Variants in ACER3 observed in about 807,000 individuals in gnomAD.
ACER3 encodes the protein alkaline ceramidase 3, also known as alkCDase 3.
Under a neutral mutation model 48.9 loss-of-function variants are expected in ACER3, and 16 were observed. The ratio of observed to expected loss-of-function variants is 0.33; its 90% confidence interval spans 0.22 to 0.50. ACER3 has a LOEUF of 0.50. Among genes scored for constraint, ACER3 ranks in the 20% least tolerant of loss-of-function variants. The pLI is 0.98. For synonymous variants in ACER3, 109 were observed against 107.8 expected, an observed-to-expected ratio of 1.01 and a Z score of -0.07; for missense variants, 227 against 326.0, an observed-to-expected ratio of 0.70 and a Z score of 2.34.
chr11:76,929,756 T>C, intron 2 of ACER3, among the ~76,000 whole-genome samples: 1 of 152,266 alleles, frequency 6.6e-6, no homozygotes, highest in Non-Finnish European at 1.5e-5. Flanking sequence ...CTTCTGTTTA[T>C]ATGCTGGATT....
chr11:76,953,860 T>C (rs1160113109), intron 2 of ACER3, among the ~76,000 whole-genome samples: 1 of 152,234 alleles, frequency 6.6e-6, no homozygotes, highest in East Asian at 1.9e-4. Context: ...TCAATTCCTA[T>C]GTGTATGTGT....
Position 76,954,349 on chromosome 11 carries a change from C to T in ACER3, c.215-4630C>T, listed in dbSNP as rs544248597. On this transcript the variant is annotated intron_variant, in intron 2 of 10. Transcript: ENST00000532485. ...TGGCTTAAGCCAAACTCTTTTAGTTCTTCAAATGCACAAACTCTGTCTTTA... is the reference window on the plus strand; with the variant it reads ...TGGCTTAAGCCAAACTCTTTTAGTTTTTCAAATGCACAAACTCTGTCTTTA... Among the ~76,000 whole-genome samples, 17 of 152,282 alleles carry T rather than the reference C, an allele frequency of 1.1e-4. 1 individual carries two copies. The highest frequency in any genetic ancestry group is 1.1e-3 in the Admixed American group (17 of 15,302).
In ACER3 at chr11:76,869,923, G is replaced by A. The variant is rs997242413; in HGVS notation, c.103+8844G>A. 7.9e-5 allele frequency among the ~76,000 whole-genome samples: 12 copies of A among 152,150 alleles called. No homozygotes were observed. The East Asian group carries it at 1.2e-3, about 15-fold the overall frequency. On this transcript the variant is annotated intron_variant, in intron 1 of 10. Coordinates refer to ENST00000532485, the MANE Select transcript of ACER3 (RefSeq NM_018367.7). ...GTTGCTTAGGCTGGAGTGCAGTGGCGTGATCGTGGCTGACTGTAGCCTTGA... is the reference window on the plus strand; with the variant it reads ...GTTGCTTAGGCTGGAGTGCAGTGGCATGATCGTGGCTGACTGTAGCCTTGA...
At chr11:76,863,804 A>G (rs76430962) in intron 1 of ACER3, among the ~76,000 whole-genome samples, 2 of 152,216 alleles carry the variant, frequency 1.3e-5, no homozygotes, top group East Asian at 1.9e-4. Context: ...CATTTCAAAG[A>G]TAAGGAGATT....
chr11:77,004,889 T>C (rs564461876), intron 7 of ACER3, among the ~76,000 whole-genome samples: 4 of 152,164 alleles, frequency 2.6e-5, no homozygotes, highest in Non-Finnish European at 5.9e-5. Context: ...CCAATTTCTT[T>C]TAATTGGTGT....
chr11:76,997,110 A>G (rs1414392396), intron 6 of ACER3, among the ~76,000 whole-genome samples: 2 of 152,166 alleles, frequency 1.3e-5, no homozygotes, highest in African/African-American at 4.8e-5. Context: ...CATTTTTCCT[A>G]TTCTATATTC....
At chr11:76,875,107 C>CTTTTTT (rs10676364) in intron 1 of ACER3, among the ~76,000 whole-genome samples, 3,933 of 78,022 alleles carry the variant, frequency 0.05, 1,135 homozygotes, top group Non-Finnish European at 0.069. Flanking sequence ...AAAAGCACTT[C>CTTTTTT]TTTTTTTTTT....
intron 2 of ACER3, among the ~76,000 whole-genome samples, chr11:76,945,490 A>G (rs1237432036): frequency 6.6e-6 from 1 of 152,114 alleles, no homozygotes; most frequent in Non-Finnish European, 1.5e-5. Flanking sequence ...GTTCAGTGGT[A>G]TCTGTTATTT....
rs148210639 is a variant in ACER3 at position 76,940,847 on chromosome 11, G to A, written c.214+14180G>A. 2.8e-4 allele frequency among the ~76,000 whole-genome samples: 42 copies of A among 152,176 alleles called. No homozygotes were observed. The East Asian group carries it at 5.6e-3, about 20-fold the overall frequency. On this transcript the variant is annotated intron_variant, in intron 2 of 10. Coordinates refer to ENST00000532485, the MANE Select transcript of ACER3 (RefSeq NM_018367.7). The stretch of plus-strand genomic sequence containing the variant: ...GATTTTCTGCATTCAGCAATACCTG[G>A]TACAAACTAAACACATGGGAATGTT...
chr11:76,940,743 T>C (rs541217841), intron 2 of ACER3, among the ~76,000 whole-genome samples: 1 of 152,316 alleles, frequency 6.6e-6, no homozygotes, highest in South Asian at 2.1e-4. Context: ...TATGTGGTAC[T>C]GTCATAATCT....
At chr11:76,994,331 T>C (rs1181227467) in intron 6 of ACER3, 3 of 366,012 alleles carry the variant, frequency 8.2e-6, no homozygotes, top group South Asian at 2.1e-5. Context: ...GGTATCGCCA[T>C]GTTGGCCAGG....
intron 2 of ACER3, among the ~76,000 whole-genome samples, chr11:76,932,038 T>C (rs545908378): frequency 4.9e-5 from 7 of 143,698 alleles, no homozygotes; most frequent in African/African-American, 1.8e-4. Context: ...AGCCTCAACC[T>C]CCCAGGTGCA....
chr11:76,982,629 G>A (rs1478437543), intron 4 of ACER3, among the ~76,000 whole-genome samples: 1 of 151,988 alleles, frequency 6.6e-6, no homozygotes, highest in Non-Finnish European at 1.5e-5. Context: ...TCTGTGAATT[G>A]TCTTTTCATT....
rs1491403985 is a variant in ACER3 at position 77,005,992 on chromosome 11, T to TACATATATATATA, written c.497+7171_497+7172insACATATATATATA. Among the ~76,000 whole-genome samples, 52 of 70,544 alleles carry TACATATATATATA rather than the reference T, an allele frequency of 7.4e-4. 1 individual carries two copies. The highest frequency in any genetic ancestry group is 7.4e-3 in the Middle Eastern group (1 of 136). The allele number at this position is 70,544 out of a possible 152,430, so 46.3% of individuals were successfully genotyped here. On this transcript the variant is annotated intron_variant, in intron 7 of 10. Coordinates refer to ENST00000532485, the MANE Select transcript of ACER3 (RefSeq NM_018367.7). ...ATATACATATATATATATATATATA[T>TACATATATATATA]TTTTTTTTTTTTTTGAGCCAGAGTT...
Position 77,001,167 on chromosome 11 carries a change from A to G in ACER3, c.497+2346A>G, listed in dbSNP as rs140085799. 2.6e-5 allele frequency among the ~76,000 whole-genome samples: 4 copies of G among 152,308 alleles called. No individual in the cohort carries two copies. In the East Asian group the frequency reaches 7.7e-4, roughly 29 times the overall value. On this transcript the variant is annotated intron_variant, in intron 7 of 10. Transcript: ENST00000532485. ...TAGTGTCCACATGTTCATTGCTATTATATAGATACACAATTGATTATCTTT... is the reference window on the plus strand; with the variant it reads ...TAGTGTCCACATGTTCATTGCTATTGTATAGATACACAATTGATTATCTTT...
At chr11:76,950,209 A>C (rs1218168090) in intron 2 of ACER3, among the ~76,000 whole-genome samples, 1 of 151,132 alleles carries the variant, frequency 6.6e-6, no homozygotes, top group Non-Finnish European at 1.5e-5. Context: ...GTCAAGAGGG[A>C]AAGTGGTAGA....
chr11:77,015,327 T>C (rs970071131), intron 8 of ACER3: 13 of 424,662 alleles, frequency 3.1e-5, no homozygotes, highest in Non-Finnish European at 5.4e-5. Flanking sequence ...TCATAACCTC[T>C]GTAGGGTTTG....
chr11:77,006,902 G>C (rs1555021140), intron 7 of ACER3, among the ~76,000 whole-genome samples: 1 of 151,998 alleles, frequency 6.6e-6, no homozygotes, highest in African/African-American at 2.4e-5. Context: ...TTGAGGCCAG[G>C]AGTTCAAGAC....
Position 76,882,207 on chromosome 11 carries a change from G to A in ACER3, c.103+21128G>A, listed in dbSNP as rs1296564902. On this transcript the variant is annotated intron_variant, in intron 1 of 10. Transcript: ENST00000532485. Reference sequence around the variant, plus strand: ...TTTTTAGTAGAGATGGGGTTTCACCGTGTTAGCCAGGATGGTCTCGATCTC... The same window carrying A: ...TTTTTAGTAGAGATGGGGTTTCACCATGTTAGCCAGGATGGTCTCGATCTC... Among the ~76,000 whole-genome samples the A allele has an allele frequency of 5.9e-5, 9 of 151,766 alleles. No individual in the cohort carries two copies. In the East Asian group the frequency reaches 9.7e-4, roughly 16 times the overall value.
Sources: allele counts gnomAD v4.1 joint callset (sites outside exome capture counted in the v4.1 genomes callset), GRCh38; gene constraint gnomAD v4.1.1; transcripts MANE v1.5; gene names NCBI Gene and HGNC (gene_info 2026-07-23, HGNC 2026-07-21).